CLHC1: variants seen among roughly 807,000 people sequenced by gnomAD.
The protein encoded by CLHC1 is clathrin heavy chain linker domain containing 1, also known as clathrin heavy chain linker domain-containing protein 1.
A neutral mutation model predicts 69.5 loss-of-function variants in CLHC1; 72 were observed. The ratio of observed to expected loss-of-function variants is 1.04; its 90% CI spans 0.86 to 1.26. The LOEUF (loss-of-function observed/expected upper bound fraction) is 1.26, where lower values mean the gene tolerates loss of function less well. Ranked by LOEUF, CLHC1 falls within the 50% of genes most tolerant of loss-of-function variation. CLHC1 has a pLI of 0.00. For missense variants in CLHC1, 790 were observed against 679.3 expected, an observed-to-expected ratio of 1.16 and a Z score of -1.81; for synonymous variants, 223 against 224.3, an observed-to-expected ratio of 0.99 and a Z score of 0.05.
At chr2:55,226,198 A>C (rs1375112744) in intron 2 of CLHC1, among the ~76,000 whole-genome samples, 1 of 152,038 alleles carries the variant, frequency 6.6e-6, no homozygotes, top group Non-Finnish European at 1.5e-5. Flanking sequence ...TTTCAAAAAA[A>C]AAAAAAGAGA....
chr2:55,196,511 A>G (rs1038724090), intron 9 of CLHC1, among the ~76,000 whole-genome samples: 1 of 152,210 alleles, frequency 6.6e-6, no homozygotes, highest in Non-Finnish European at 1.5e-5. Context: ...CCATAATAGC[A>G]TAGGAAACCA....
At chr2:55,210,602 C>T (rs189671026) in intron 5 of CLHC1, among the ~76,000 whole-genome samples, 7 of 152,324 alleles carry the variant, frequency 4.6e-5, no homozygotes, top group African/African-American at 7.2e-5. Context: ...TTAACACACC[C>T]TGAAGACCCG....
intron 4 of CLHC1, 121 bp from the exon 5 acceptor site, chr2:55,212,927 C>A: frequency 2.7e-6 from 2 of 737,524 alleles, no homozygotes; most frequent in Admixed American, 5.7e-5. Flanking sequence ...AGGTGAAATG[C>A]CCTGAAAAAG....
At chr2:55,220,876 T>C (rs1232621306) in intron 3 of CLHC1, among the ~76,000 whole-genome samples, 1 of 152,152 alleles carries the variant, frequency 6.6e-6, no homozygotes, top group Non-Finnish European at 1.5e-5. Context: ...CCAAGAGCAA[T>C]ATCATTGATC....
At chr2:55,208,820 G>A in intron 7 of CLHC1, 110 bp from the exon 8 acceptor site, 1 of 539,914 alleles carries the variant, frequency 1.9e-6, no homozygotes. Context: ...GCTCCTAACA[G>A]CAGCAACCTC....
chr2:55,177,867 C>T, intron 11 of CLHC1, 86 bp from the exon 12 acceptor site: 1 of 930,954 alleles, frequency 1.1e-6, no homozygotes, highest in Non-Finnish European at 1.6e-6. Flanking sequence ...TCTATACCTG[C>T]CAATCAACAG....
At chr2:55,231,981 A>AC (rs1438112361) in intron 1 of CLHC1, 8 of 152,002 alleles carry the variant, frequency 5.3e-5, no homozygotes, top group African/African-American at 1.9e-4. Context: ...AAAGGGCTGA[A>AC]CCCCCGCTTC....
intron 3 of CLHC1, among the ~76,000 whole-genome samples, chr2:55,221,029 G>A (rs1006860132): frequency 6.6e-6 from 1 of 152,074 alleles, no homozygotes; most frequent in African/African-American, 2.4e-5. Flanking sequence ...TATTCTACTG[G>A]TAGGTATATA....
chr2:55,224,469 G>A, intron 2 of CLHC1: 1 of 390,082 alleles, frequency 2.6e-6, no homozygotes, highest in South Asian at 2.0e-5. Flanking sequence ...CTTAGCTGGC[G>A]CTGCAGTTTG....
chr2:55,212,048 G>A (rs1673061590), intron 5 of CLHC1, among the ~76,000 whole-genome samples: 1 of 152,082 alleles, frequency 6.6e-6, no homozygotes, highest in African/African-American at 2.4e-5. Flanking sequence ...AGGCTGAGGC[G>A]GGTGGATCGC....
At chr2:55,203,939 T>A (rs1473708090) in intron 9 of CLHC1, among the ~76,000 whole-genome samples, 2 of 152,002 alleles carry the variant, frequency 1.3e-5, no homozygotes, top group Non-Finnish European at 2.9e-5. Flanking sequence ...CCAGAATACA[T>A]AAGGAGCTCA....
chr2:55,194,331 A>G (rs1161227700), intron 9 of CLHC1, among the ~76,000 whole-genome samples: 1 of 152,210 alleles, frequency 6.6e-6, no homozygotes, highest in Admixed American at 6.5e-5. Flanking sequence ...TGTAAAAAAA[A>G]AGTATTTGAC....
chr2:55,183,837 A>C (rs1055262953), intron 9 of CLHC1, among the ~76,000 whole-genome samples: 9 of 151,456 alleles, frequency 5.9e-5, no homozygotes, highest in African/African-American at 2.2e-4. Context: ...CTGGAGTGCA[A>C]TGGTGCGATC....
chr2:55,190,075 C>T (rs558008322), intron 9 of CLHC1, among the ~76,000 whole-genome samples: 13 of 152,066 alleles, frequency 8.5e-5, no homozygotes, highest in Middle Eastern at 3.4e-3. Context: ...GACGGAGTCT[C>T]ACTCTGTGGC....
Position 55,218,773 on chromosome 2 carries a change from TATAA to T in CLHC1, c.178-779_178-776del, listed in dbSNP as rs1673826893. On this transcript the variant is annotated intron_variant, in intron 3 of 12. Transcript: ENST00000401408. The stretch of plus-strand genomic sequence containing the variant: ...AGTCAAAAAATAAAAATAGAAAAGT[TATAA>T]ATAATGTATGGTTTCTAAATTCTGC... 2.6e-5 allele frequency among the ~76,000 whole-genome samples: 4 copies of T among 152,348 alleles called. No homozygotes were observed. The South Asian group carries it at 8.3e-4, about 32-fold the overall frequency.
chr2:55,215,605 A>G (rs1673418304), intron 4 of CLHC1, among the ~76,000 whole-genome samples: 1 of 152,152 alleles, frequency 6.6e-6, no homozygotes, highest in African/African-American at 2.4e-5. Context: ...GGAGCAGTTT[A>G]CCTCTGGTTC....
intron 5 of CLHC1, 113 bp from the exon 6 acceptor site, chr2:55,209,944 T>A: frequency 1.5e-6 from 1 of 661,072 alleles, no homozygotes. Flanking sequence ...TTAGAAATGA[T>A]AGTATGTACT....
chr2:55,194,595 A>G (rs1469142092), intron 9 of CLHC1, among the ~76,000 whole-genome samples: 2 of 152,150 alleles, frequency 1.3e-5, no homozygotes, highest in Admixed American at 1.3e-4. Flanking sequence ...GAAAAAAAGT[A>G]AAACTGTCTT....
chr2:55,203,445 A>G (rs1672149678), intron 9 of CLHC1, among the ~76,000 whole-genome samples: 1 of 152,232 alleles, frequency 6.6e-6, no homozygotes, highest in Non-Finnish European at 1.5e-5. Context: ...ACAGCACGGT[A>G]ATGGAATAAA....
Sources: gnomAD v4.1 joint callset for allele counts (sites outside exome capture counted in the v4.1 genomes callset) on GRCh38, gnomAD v4.1.1 for gene constraint, MANE v1.5 for transcripts, NCBI Gene and HGNC (gene_info 2026-07-23, HGNC 2026-07-21) for gene names.